The following LRRC4C variants were observed in gnomAD, a reference collection of about 807,000 sequenced individuals.
The protein encoded by LRRC4C is leucine rich repeat containing 4C.
In LRRC4C, 5 loss-of-function variants were observed where a neutral mutation model predicts 33.6. The observed-to-expected ratio is 0.15, with a 90% CI of 0.08 to 0.31. The LOEUF is 0.31. Ranked by LOEUF, LRRC4C falls within the 10% of genes least tolerant of loss-of-function variation. LRRC4C has a pLI of 1.00. For synonymous variants in LRRC4C, 329 were observed against 302.0 expected (o/e 1.09, Z -0.93); for missense variants, 560 against 796.7 (o/e 0.70, Z 3.58).
intron 3 of LRRC4C, among the ~76,000 whole-genome samples, chr11:40,552,008 A>T (rs1006783921): frequency 1.3e-5 from 2 of 152,198 alleles, no homozygotes; most frequent in African/African-American, 4.8e-5. Context: ...GAGAAAAAAG[A>T]TTGACCTCTT....
At chr11:41,197,555 C>A (rs1366735717) in intron 1 of LRRC4C, among the ~76,000 whole-genome samples, 2 of 151,998 alleles carry the variant, frequency 1.3e-5, no homozygotes, top group African/African-American at 2.4e-5. Flanking sequence ...AGGGAATCTG[C>A]AGAACCTTCT....
chr11:40,887,031 T>C (rs1955500183), intron 2 of LRRC4C, among the ~76,000 whole-genome samples: 1 of 150,938 alleles, frequency 6.6e-6, no homozygotes, highest in African/African-American at 2.4e-5. Flanking sequence ...CGAGAAAATA[T>C]ATATATACAT....
chr11:41,008,180 C>T (rs1854907389), intron 1 of LRRC4C, among the ~76,000 whole-genome samples: 1 of 152,038 alleles, frequency 6.6e-6, no homozygotes, highest in Non-Finnish European at 1.5e-5. Context: ...GCCTCAAATG[C>T]TTTTCTTCTT....
chr11:40,419,357 T>C (rs1291179760), intron 3 of LRRC4C, among the ~76,000 whole-genome samples: 3 of 152,150 alleles, frequency 2.0e-5, no homozygotes, highest in Non-Finnish European at 4.4e-5. Flanking sequence ...TAGACAATCA[T>C]AATCAAATTG....
intron 2 of LRRC4C, among the ~76,000 whole-genome samples, chr11:40,838,492 C>A (rs1952776544): frequency 6.6e-6 from 1 of 152,116 alleles, no homozygotes; most frequent in Admixed American, 6.6e-5. Flanking sequence ...TCCTAGTCTT[C>A]CCACTTTTTC....
intron 2 of LRRC4C, among the ~76,000 whole-genome samples, chr11:40,713,993 C>T (rs756174136): frequency 3.3e-5 from 5 of 152,178 alleles, no homozygotes; most frequent in Non-Finnish European, 5.9e-5. Flanking sequence ...TTGAAGCTTT[C>T]ACCTTGCTCT....
intron 1 of LRRC4C, among the ~76,000 whole-genome samples, chr11:41,024,958 C>T (rs1856240192): frequency 6.6e-6 from 1 of 151,360 alleles, no homozygotes; most frequent in Admixed American, 6.6e-5. Context: ...GATCTGGGAC[C>T]AATGATCTTT....
At chr11:40,294,583 C>T (rs761038288) in intron 4 of LRRC4C, among the ~76,000 whole-genome samples, 1 of 152,064 alleles carries the variant, frequency 6.6e-6, no homozygotes, top group African/African-American at 2.4e-5. Context: ...AATCCCAGCC[C>T]TTTGGGAGGC....
chr11:40,977,270 C>T (rs183250704), intron 1 of LRRC4C, among the ~76,000 whole-genome samples: 36 of 152,218 alleles, frequency 2.4e-4, no homozygotes, highest in African/African-American at 7.5e-4. Flanking sequence ...TCCTAACAGG[C>T]CAGGGACCAC....
At chr11:41,122,881 T>C (rs1942512985) in intron 1 of LRRC4C, 1 of 152,124 alleles carries the variant, frequency 6.6e-6, no homozygotes, top group Non-Finnish European at 1.5e-5. Flanking sequence ...AAACAATTTA[T>C]TTTATAATTT....
chr11:40,695,640 T>A (rs2136436452), intron 2 of LRRC4C, among the ~76,000 whole-genome samples: 1 of 152,228 alleles, frequency 6.6e-6, no homozygotes, highest in East Asian at 1.9e-4. Flanking sequence ...CTGTTTGGCG[T>A]CTGTAGGGGA....
chr11:40,466,719 T>C (rs1311070083), intron 3 of LRRC4C, among the ~76,000 whole-genome samples: 1 of 151,968 alleles, frequency 6.6e-6, no homozygotes, highest in Non-Finnish European at 1.5e-5. Context: ...TGTTTTTATA[T>C]TATAGAGTAC....
intron 1 of LRRC4C, among the ~76,000 whole-genome samples, chr11:41,019,723 T>G (rs1308637312): frequency 1.3e-5 from 2 of 152,204 alleles, no homozygotes; most frequent in Non-Finnish European, 2.9e-5. Flanking sequence ...CTGACTGGTA[T>G]GAGATGGTAT....
In LRRC4C at chr11:40,696,748, G is replaced by GTGTGTA. The variant is rs368234307; in HGVS notation, c.-406-48471_-406-48470insTACACA. On this transcript the variant is annotated intron_variant, in intron 2 of 6. Transcript: ENST00000528697. ...GTCTCTGTGCATATATATACACTGT[G>GTGTGTA]TATATATATATATATATATATATAT... Among the ~76,000 whole-genome samples, 246 of 125,884 alleles carry GTGTGTA rather than the reference G, an allele frequency of 2.0e-3. 1 individual carries two copies. The highest frequency in any genetic ancestry group is 6.9e-3 in the Admixed American group (83 of 12,080). The allele number at this position is 125,884 out of a possible 152,430, so 82.6% of individuals were successfully genotyped here.
intron 2 of LRRC4C, among the ~76,000 whole-genome samples, chr11:40,923,211 T>C (rs574891093): frequency 6.6e-6 from 1 of 152,228 alleles, no homozygotes; most frequent in African/African-American, 2.4e-5. Flanking sequence ...ACCTACTTAT[T>C]TCTATGCATT....
At chr11:40,481,127 C>T (rs1953539212) in intron 3 of LRRC4C, among the ~76,000 whole-genome samples, 1 of 151,150 alleles carries the variant, frequency 6.6e-6, no homozygotes, top group Non-Finnish European at 1.5e-5. Context: ...ATACGTCCAA[C>T]ACAAAGGAAG....
chr11:41,041,019 A>G (rs1857398769), intron 1 of LRRC4C, among the ~76,000 whole-genome samples: 1 of 152,202 alleles, frequency 6.6e-6, no homozygotes, highest in Non-Finnish European at 1.5e-5. Context: ...CTCATGGAAA[A>G]GATTGCCATT....
intron 1 of LRRC4C, among the ~76,000 whole-genome samples, chr11:40,967,296 T>C (rs1238569746): frequency 3.3e-5 from 5 of 151,806 alleles, no homozygotes; most frequent in African/African-American, 1.2e-4. Context: ...ACTAGGAGCA[T>C]GAATAAATAG....
At chr11:41,201,233 C>T (rs1946386199) in intron 1 of LRRC4C, among the ~76,000 whole-genome samples, 1 of 152,164 alleles carries the variant, frequency 6.6e-6, no homozygotes, top group Non-Finnish European at 1.5e-5. Context: ...GAAGATTTGA[C>T]ATGTGCAGTG....
Sources: gnomAD v4.1 joint callset for allele counts (sites outside exome capture counted in the v4.1 genomes callset) on GRCh38, gnomAD v4.1.1 for gene constraint, MANE v1.5 for transcripts, NCBI Gene and HGNC (gene_info 2026-07-23, HGNC 2026-07-21) for gene names.